The following UBE2F variants were observed in gnomAD, a reference collection of about 807,000 sequenced individuals.
The protein encoded by UBE2F is ubiquitin conjugating enzyme E2 F (putative), also known as NEDD8-conjugating enzyme UBE2F.
A neutral mutation model predicts 29.6 loss-of-function variants in UBE2F; 5 were observed. That is an observed-to-expected ratio of 0.17 (90% CI 0.09 to 0.36). UBE2F has a LOEUF of 0.36. UBE2F is among the 10% of genes least tolerant of loss of function. The probability of loss-of-function intolerance (pLI) is 1.00; values close to 1 mark genes in which losing one functional copy is unlikely to be tolerated. For missense variants in UBE2F, 141 were observed against 228.5 expected (o/e 0.62, Z 2.47); for synonymous variants, 66 against 81.8 (o/e 0.81, Z 1.04).
intron 4 of UBE2F, among the ~76,000 whole-genome samples, chr2:237,997,244 A>G (rs983859101): frequency 6.6e-6 from 1 of 152,134 alleles, no homozygotes; most frequent in Admixed American, 6.5e-5. Context: ...AAATAAATAA[A>G]AAGTAACTTG....
At chr2:237,972,391 G>A (rs2063192659) in intron 1 of UBE2F, among the ~76,000 whole-genome samples, 1 of 152,112 alleles carries the variant, frequency 6.6e-6, no homozygotes, top group African/African-American at 2.4e-5. Flanking sequence ...GGCAGTAATG[G>A]ACTCATGTGG....
intron 2 of UBE2F, among the ~76,000 whole-genome samples, chr2:237,975,257 A>G (rs1395325162): frequency 6.6e-6 from 1 of 151,806 alleles, no homozygotes; most frequent in Non-Finnish European, 1.5e-5. Flanking sequence ...GTGCACCACC[A>G]TGCTTAGCTA....
intron 5 of UBE2F, among the ~76,000 whole-genome samples, chr2:238,023,298 A>G (rs1022050632): frequency 1.3e-5 from 2 of 152,334 alleles, no homozygotes; most frequent in South Asian, 2.1e-4. Context: ...TATTAAATAC[A>G]TTCCCATTTA....
intron 4 of UBE2F, among the ~76,000 whole-genome samples, chr2:237,998,276 C>T (rs2063727322): frequency 6.6e-6 from 1 of 152,074 alleles, no homozygotes; most frequent in Admixed American, 6.5e-5. Flanking sequence ...TCCATCATTC[C>T]CAAAGTTTCC....
chr2:238,036,432 G>A (rs767779928), intron 9 of UBE2F, among the ~76,000 whole-genome samples: 2 of 152,106 alleles, frequency 1.3e-5, no homozygotes, highest in Admixed American at 6.5e-5. Context: ...CTCCTGCCTT[G>A]TCCTCCCAAA....
At chr2:237,994,507 T>C (rs1241735436) in intron 3 of UBE2F, among the ~76,000 whole-genome samples, 1 of 152,208 alleles carries the variant, frequency 6.6e-6, no homozygotes, top group African/African-American at 2.4e-5. Context: ...CATCTCTATT[T>C]GGAATTAACT....
intron 9 of UBE2F, among the ~76,000 whole-genome samples, chr2:238,039,591 T>C (rs892828215): frequency 3.3e-5 from 5 of 152,196 alleles, no homozygotes; most frequent in Non-Finnish European, 5.9e-5. Context: ...ATCACCATGA[T>C]TGAGTAGCCC....
intron 1 of UBE2F, among the ~76,000 whole-genome samples, chr2:237,972,361 G>A (rs1408582723): frequency 6.6e-6 from 1 of 152,016 alleles, no homozygotes; most frequent in South Asian, 2.1e-4. Flanking sequence ...CTGCAGCAGG[G>A]AAGGGCCAAC....
Position 238,040,710 on chromosome 2 carries a change from G to T in UBE2F, c.508-578G>T, listed in dbSNP as rs978768182. On this transcript the variant is annotated intron_variant, in intron 9 of 9. Coordinates refer to ENST00000272930, the MANE Select transcript of UBE2F (RefSeq NM_080678.3). This position sits in a 1 kb window ranked among gnomAD's most constrained non-coding sequence, Gnocchi z 4.4. ...CTGGGGTGATTCCTAGGTCCACACC[G>T]CCTTTGGTCACTGTCCACCTTCATT... Among the ~76,000 whole-genome samples, 2 of 152,118 alleles carry T rather than the reference G, an allele frequency of 1.3e-5. No homozygotes were observed. The highest frequency in any genetic ancestry group is 2.9e-5 in the Non-Finnish European group (2 of 68,022).
intron 4 of UBE2F, among the ~76,000 whole-genome samples, chr2:238,003,943 T>C (rs1348527815): frequency 6.6e-6 from 1 of 152,220 alleles, no homozygotes; most frequent in Non-Finnish European, 1.5e-5. Flanking sequence ...CTGGCAATCA[T>C]CGACCTGATT....
chr2:238,036,722 A>G (rs1396812071), intron 9 of UBE2F, among the ~76,000 whole-genome samples: 1 of 152,176 alleles, frequency 6.6e-6, no homozygotes, highest in Non-Finnish European at 1.5e-5. Flanking sequence ...GCTACTCAGG[A>G]GGCTAAGGTG....
intron 4 of UBE2F, among the ~76,000 whole-genome samples, chr2:238,000,016 G>A (rs1035285326): frequency 3.9e-5 from 6 of 151,976 alleles, no homozygotes; most frequent in African/African-American, 1.5e-4. Context: ...GTAGAGACAG[G>A]TTTCACGATG....
intron 6 of UBE2F, among the ~76,000 whole-genome samples, chr2:238,029,308 G>A (rs2064513124): frequency 6.6e-6 from 1 of 151,958 alleles, no homozygotes; most frequent in African/African-American, 2.4e-5. Flanking sequence ...CCCAGTTACG[G>A]CTGGGCGTGG....
At chr2:237,992,772 G>A (rs951514647) in intron 3 of UBE2F, among the ~76,000 whole-genome samples, 2 of 152,200 alleles carry the variant, frequency 1.3e-5, no homozygotes, top group Non-Finnish European at 2.9e-5. Context: ...AATTGAGGAC[G>A]TTGGACTAGA....
chr2:237,973,981 A>C (rs1394255487), intron 2 of UBE2F, among the ~76,000 whole-genome samples: 2 of 152,180 alleles, frequency 1.3e-5, no homozygotes, highest in East Asian at 3.8e-4. Context: ...TTTATAATAA[A>C]GTTAACTTTG....
At chr2:237,990,765 A>G (rs937407191) in intron 3 of UBE2F, among the ~76,000 whole-genome samples, 1 of 150,874 alleles carries the variant, frequency 6.6e-6, no homozygotes, top group African/African-American at 2.4e-5. Context: ...TGTCTCAAAA[A>G]AAAAATAATA....
chr2:238,036,087 G>A, intron 9 of UBE2F, 147 bp downstream of exon 9: 1 of 690,556 alleles, frequency 1.4e-6, no homozygotes. Context: ...TAAACAATAT[G>A]GTATAGTAAA....
At position 237,986,721 on chromosome 2, in the gene UBE2F, C is replaced by A. The variant is rs189563886; in HGVS notation, c.119-1242C>A. 3.4e-3 allele frequency among the ~76,000 whole-genome samples: 520 copies of A among 152,126 alleles called. 4 individuals carry two copies. Among genetic ancestry groups the A allele is most frequent in the Middle Eastern group, 0.014 (4 of 294 alleles). On this transcript the variant is annotated intron_variant, in intron 2 of 9. Coordinates refer to ENST00000272930, the MANE Select transcript of UBE2F (RefSeq NM_080678.3). ...ATAAGATAAGAAGCCAATTTTATTC[C>A]CTTGCATGTGAATATCCAGTTTTCC...
At chr2:238,027,917 G>A (rs1159163842) in intron 6 of UBE2F, among the ~76,000 whole-genome samples, 1 of 152,222 alleles carries the variant, frequency 6.6e-6, no homozygotes, top group Non-Finnish European at 1.5e-5. Context: ...TGTCCCGGCA[G>A]GGACCCTTCG....
Sources: allele counts gnomAD v4.1 joint callset (sites outside exome capture counted in the v4.1 genomes callset), GRCh38; gene constraint gnomAD v4.1.1; non-coding constraint Gnocchi (gnomAD v3.1); transcripts MANE v1.5; gene names NCBI Gene and HGNC (gene_info 2026-07-23, HGNC 2026-07-21).